Variants in WDR17 observed in about 807,000 individuals in gnomAD.
The protein encoded by WDR17 is WD repeat domain 17, also known as WD repeat-containing protein 17.
WDR17 carries 143 observed loss-of-function variants against 161.7 expected under a neutral mutation model. That is an observed-to-expected ratio of 0.88 (90% CI 0.77 to 1.02). WDR17 has a LOEUF of 1.02. Ranked by LOEUF, WDR17 falls within the 50% of genes least tolerant of loss-of-function variation. The pLI is 0.00. For synonymous variants in WDR17, 517 were observed against 515.6 expected, an observed-to-expected ratio of 1.00 and a Z score of -0.04; for missense variants, 1,469 against 1,520.9, an observed-to-expected ratio of 0.97 and a Z score of 0.57.
At chr4:176,095,437 C>G (rs1381821781) in intron 1 of WDR17, among the ~76,000 whole-genome samples, 2 of 152,120 alleles carry the variant, frequency 1.3e-5, no homozygotes, top group Non-Finnish European at 2.9e-5. Context: ...GAAAATACTT[C>G]TAAAGAGTAA....
At chr4:176,074,180 C>T (rs961694060) in intron 1 of WDR17, among the ~76,000 whole-genome samples, 3 of 151,354 alleles carry the variant, frequency 2.0e-5, no homozygotes, top group Non-Finnish European at 4.4e-5. Flanking sequence ...CTTGCCCATG[C>T]CTATGTCCTG....
intron 18 of WDR17, among the ~76,000 whole-genome samples, chr4:176,157,912 A>C (rs1183128838): frequency 2.6e-5 from 4 of 152,302 alleles, no homozygotes; most frequent in South Asian, 2.1e-4. Context: ...CCAAGTGAAG[A>C]GGCTAGAGGA....
intron 1 of WDR17, among the ~76,000 whole-genome samples, chr4:176,071,553 C>G: frequency 6.6e-6 from 1 of 152,140 alleles, no homozygotes; most frequent in East Asian, 1.9e-4. Context: ...AAACTCCTGA[C>G]CTCGGCCCAC....
At chr4:176,088,469 A>T (rs138455767) in intron 1 of WDR17, among the ~76,000 whole-genome samples, 260 of 152,308 alleles carry the variant, frequency 1.7e-3, no homozygotes, top group African/African-American at 6.1e-3. Context: ...GAGTGTTGTC[A>T]GCTGCACTAT....
intron 1 of WDR17, among the ~76,000 whole-genome samples, chr4:176,084,752 TTATA>T (rs532011179): frequency 4.1e-5 from 6 of 146,826 alleles, no homozygotes; most frequent in African/African-American, 1.5e-4. Flanking sequence ...ACTGTCGAGA[TTATA>T]TATATATATT....
chr4:176,116,093 A>G, intron 3 of WDR17, 114 bp downstream of exon 3: 1 of 1,063,336 alleles, frequency 9.4e-7, no homozygotes, highest in Non-Finnish European at 1.3e-6. Flanking sequence ...CTTAATGGTA[A>G]TCTGTATAAG....
chr4:176,094,000 C>T (rs367766139), intron 1 of WDR17, among the ~76,000 whole-genome samples: 30 of 152,186 alleles, frequency 2.0e-4, no homozygotes, highest in African/African-American at 5.5e-4. Context: ...TCTATGAATA[C>T]GGTATTTTAT....
intron 17 of WDR17, among the ~76,000 whole-genome samples, chr4:176,153,890 A>G (rs1747635446): frequency 2.6e-5 from 4 of 152,218 alleles, no homozygotes; most frequent in Admixed American, 2.0e-4. Context: ...TTTAGGAGCA[A>G]TGTAAAAATT....
chr4:176,126,564 G>A (rs1006080560), intron 5 of WDR17, among the ~76,000 whole-genome samples: 8 of 152,088 alleles, frequency 5.3e-5, no homozygotes, highest in African/African-American at 1.9e-4. Flanking sequence ...AAATGTTAGG[G>A]GAAAAAAATT....
At chr4:176,096,644 C>T in intron 1 of WDR17, 1 of 1,400,746 alleles carries the variant, frequency 7.1e-7, no homozygotes, top group Non-Finnish European at 9.9e-7. Context: ...CTTTGCTTCT[C>T]ATATAGTTTT....
chr4:176,174,005 G>T (rs1751116496), intron 25 of WDR17, among the ~76,000 whole-genome samples: 1 of 151,750 alleles, frequency 6.6e-6, no homozygotes, highest in African/African-American at 2.4e-5. Flanking sequence ...GGTCATATTT[G>T]TTAATTATCC....
rs796868651 is a variant in WDR17, at chr4:176,065,907, A to C, written c.-179A>C. The C allele has an allele frequency of 9.1e-3, 1,383 of 152,000 alleles. 15 individuals are homozygous for C. The highest frequency in any genetic ancestry group is 0.031 in the African/African-American group (1,277 of 41,444). 9.4% of individuals were successfully genotyped at this position (152,000 alleles called of 1,614,324 possible). A position where few individuals can be genotyped will look rare whatever the true frequency, so the allele number is the denominator to read the frequency against. ...GGCTCCGCGCTGGGGCTTGCGGAGC[A>C]CGCTTCCCGCCCCTCGGAGCCCGCG... On this transcript the variant is annotated 5_prime_UTR_variant, in exon 1 of 29. Coordinates refer to ENST00000508596, the MANE Select transcript of WDR17 (RefSeq NM_181265.4).
At chr4:176,070,208 C>T (rs1193473180) in intron 1 of WDR17, among the ~76,000 whole-genome samples, 2 of 152,082 alleles carry the variant, frequency 1.3e-5, no homozygotes. Context: ...GGATACGTTT[C>T]GTTAACATTT....
chr4:176,153,906 T>G (rs1023673467), intron 17 of WDR17, among the ~76,000 whole-genome samples: 1 of 152,176 alleles, frequency 6.6e-6, no homozygotes, highest in Non-Finnish European at 1.5e-5. Flanking sequence ...AAATTTTCCT[T>G]GTAAAGTAGT....
Position 176,179,602 on chromosome 4 carries a change from G to T in WDR17, c.*23G>T. On this transcript the variant is annotated 3_prime_UTR_variant, in exon 29 of 29. Coordinates refer to ENST00000508596, the MANE Select transcript of WDR17 (RefSeq NM_181265.4). ...TGATAGAAGATTTTTGTCCATGCTT[G>T]ATTTTTTTTTTTAAAGAAAAACTTT... The T allele has an allele frequency of 1.3e-6, 2 of 1,516,036 alleles. No individual in the cohort carries two copies. The highest frequency in any genetic ancestry group is 1.4e-5 in the African/African-American group (1 of 69,866). The allele number at this position is 1,516,036 out of a possible 1,614,324, so 93.9% of individuals were successfully genotyped here.
chr4:176,081,927 T>C lies in WDR17; in HGVS notation c.-7+15848T>C, dbSNP rs530687710. The stretch of plus-strand genomic sequence containing the variant: ...TCCCTGAGATCAGTGTAATTCCACC[T>C]GTACCAAAAGAATGTGGGACTCTGT... On this transcript the variant is annotated intron_variant, in intron 1 of 28. Transcript: ENST00000508596. Among the ~76,000 whole-genome samples, 264 of 152,268 alleles carry C rather than the reference T, an allele frequency of 1.7e-3. 1 individual carries two copies. Among genetic ancestry groups the C allele is most frequent in the African/African-American group, 6.2e-3 (257 of 41,570 alleles).
intron 14 of WDR17, 43 bp downstream of exon 14, chr4:176,149,999 T>C (rs993081845): frequency 6.8e-6 from 11 of 1,610,204 alleles, no homozygotes; most frequent in Admixed American, 3.4e-5. Flanking sequence ...TCTAAATAAG[T>C]TTTATGAGAA....
At chr4:176,105,794 C>A (rs1738619277) in intron 1 of WDR17, among the ~76,000 whole-genome samples, 1 of 151,664 alleles carries the variant, frequency 6.6e-6, no homozygotes, top group Non-Finnish European at 1.5e-5. Context: ...CCTATTTTTA[C>A]AACTTAAGGA....
chr4:176,135,093 A>G lies in WDR17; in HGVS notation c.1099-15A>G. 1 of 1,608,096 alleles carries G rather than the reference A, an allele frequency of 6.2e-7. No individual in the cohort carries two copies. Among genetic ancestry groups the G allele is most frequent in the South Asian group, 1.1e-5 (1 of 90,546 alleles). The stretch of plus-strand genomic sequence containing the variant: ...TTTCCTCAATAATTATGACTTTTTT[A>G]TGCCATATTCCTAGGGACATGTGGA... On this transcript the variant is annotated splice_polypyrimidine_tract_variant and intron_variant, in intron 7 of 28. Coordinates refer to ENST00000508596, the MANE Select transcript of WDR17 (RefSeq NM_181265.4).
Sources: allele counts gnomAD v4.1 joint callset (sites outside exome capture counted in the v4.1 genomes callset), GRCh38; gene constraint gnomAD v4.1.1; transcripts MANE v1.5; gene names NCBI Gene and HGNC (gene_info 2026-07-23, HGNC 2026-07-21).